Variants in FOXP2 observed in about 807,000 individuals in gnomAD.
The protein encoded by FOXP2 is forkhead box protein P2.
FOXP2 carries 12 observed loss-of-function variants against 115.8 expected under a neutral mutation model. The ratio of observed to expected loss-of-function variants is 0.10; its 90% CI spans 0.07 to 0.17. The LOEUF (loss-of-function observed/expected upper bound fraction) is 0.17, where lower values mean the gene tolerates loss of function less well. Ranked by LOEUF, FOXP2 falls within the 10% of genes least tolerant of loss-of-function variation. The pLI is 1.00. For missense variants in FOXP2, 629 were observed against 843.5 expected (o/e 0.75, Z 3.15); for synonymous variants, 328 against 297.7 (o/e 1.10, Z -1.05).
At chr7:114,513,597 T>C (rs1798182063) in intron 2 of FOXP2, among the ~76,000 whole-genome samples, 1 of 152,130 alleles carries the variant, frequency 6.6e-6, no homozygotes, top group African/African-American at 2.4e-5. Context: ...ATGTCCTCAG[T>C]GAACTGAAAT....
intron 2 of FOXP2, among the ~76,000 whole-genome samples, chr7:114,396,767 C>T (rs1309747189): frequency 1.3e-5 from 2 of 151,900 alleles, no homozygotes; most frequent in Non-Finnish European, 2.9e-5. Flanking sequence ...TACTGCACAA[C>T]ATAGGGACTA....
intron 1 of FOXP2, among the ~76,000 whole-genome samples, chr7:114,100,604 G>A (rs1799756391): frequency 6.6e-6 from 1 of 151,972 alleles, no homozygotes; most frequent in African/African-American, 2.4e-5. Context: ...ATTTATGTTA[G>A]CAATTGTGTC....
At chr7:114,192,595 G>T (rs1454244267) in intron 1 of FOXP2, among the ~76,000 whole-genome samples, 1 of 152,068 alleles carries the variant, frequency 6.6e-6, no homozygotes, top group Non-Finnish European at 1.5e-5. Flanking sequence ...CATTAACTTT[G>T]TATATTTAAA....
chr7:114,578,592 A>T (rs1417775823), intron 3 of FOXP2, among the ~76,000 whole-genome samples: 3 of 152,068 alleles, frequency 2.0e-5, no homozygotes, highest in Admixed American at 2.0e-4. Context: ...TTTTAGTTTT[A>T]ATTCTATGTG....
Position 114,658,132 on chromosome 7 carries a change from C to G in FOXP2, c.1333C>G (p.Gln445Glu). The G allele has an allele frequency of 1.2e-6, 2 of 1,614,004 alleles. No individual in the cohort carries two copies. The highest frequency in any genetic ancestry group is 1.7e-6 in the Non-Finnish European group (2 of 1,179,906). The change falls in exon 11 of 17, where the codon CAA (glutamine) becomes GAA (glutamate). Residue 445 changes from glutamine to glutamate, a missense_variant. Transcript: ENST00000350908. ...MLETSPQSLP[Q>E]TPTTPTAPVT... ...GGAGACATCCCCACAGAGCTTACCT[C>G]AAACCCCTACCACACCAACGGCCCC...
chr7:114,571,270 T>C (rs1801286968), intron 3 of FOXP2, among the ~76,000 whole-genome samples: 1 of 151,878 alleles, frequency 6.6e-6, no homozygotes, highest in Non-Finnish European at 1.5e-5. Flanking sequence ...TTCCATGTTC[T>C]TCAAGTTGTC....
chr7:114,348,083 TATC>T (rs1343915182), intron 2 of FOXP2, among the ~76,000 whole-genome samples: 1 of 152,094 alleles, frequency 6.6e-6, no homozygotes, highest in African/African-American at 2.4e-5. Flanking sequence ...AGATTCTTAA[TATC>T]ATTCTATTAG....
At chr7:114,502,934 A>G (rs1455434604) in intron 2 of FOXP2, among the ~76,000 whole-genome samples, 2 of 152,086 alleles carry the variant, frequency 1.3e-5, no homozygotes, top group East Asian at 3.8e-4. Flanking sequence ...CACAGGCCAA[A>G]TAGATGCAAG....
chr7:114,358,250 C>G (rs1791661655), intron 2 of FOXP2, among the ~76,000 whole-genome samples: 1 of 152,246 alleles, frequency 6.6e-6, no homozygotes, highest in South Asian at 2.1e-4. Context: ...TGCCTTCCAC[C>G]ATGATTGTGA....
intron 1 of FOXP2, among the ~76,000 whole-genome samples, chr7:114,126,758 C>T (rs955594827): frequency 2.0e-5 from 3 of 152,120 alleles, no homozygotes; most frequent in African/African-American, 7.2e-5. Context: ...AGGCATAGAT[C>T]ATATATTCCT....
At chr7:114,617,526 G>A (rs1358830316) in intron 3 of FOXP2, among the ~76,000 whole-genome samples, 2 of 152,214 alleles carry the variant, frequency 1.3e-5, no homozygotes, top group African/African-American at 4.8e-5. Context: ...GGGCGAGGCG[G>A]CTCACGCGTG....
intron 8 of FOXP2, among the ~76,000 whole-genome samples, chr7:114,648,372 C>G (rs574778263): frequency 5.1e-4 from 77 of 152,122 alleles, no homozygotes; most frequent in African/African-American, 1.7e-3. Context: ...ACATAAAAAG[C>G]TTGATGCAAA....
At chr7:114,110,979 T>C (rs1791253631) in intron 1 of FOXP2, among the ~76,000 whole-genome samples, 1 of 152,138 alleles carries the variant, frequency 6.6e-6, no homozygotes, top group African/African-American at 2.4e-5. Flanking sequence ...AAGAATACTT[T>C]AGCTCTTAAA....
intron 2 of FOXP2, among the ~76,000 whole-genome samples, chr7:114,522,531 T>A (rs1798674456): frequency 6.6e-6 from 1 of 152,204 alleles, no homozygotes; most frequent in Admixed American, 6.6e-5. Context: ...TTTATATACA[T>A]ATTTTCTACA....
At chr7:114,443,666 A>T (rs1010843968) in intron 2 of FOXP2, among the ~76,000 whole-genome samples, 8 of 152,184 alleles carry the variant, frequency 5.3e-5, no homozygotes, top group Non-Finnish European at 1.2e-4. Context: ...AAGTGAGAAC[A>T]TGCAGTATTT....
intron 3 of FOXP2, among the ~76,000 whole-genome samples, chr7:114,566,630 T>C (rs1460658677): frequency 2.6e-5 from 4 of 152,148 alleles, no homozygotes; most frequent in Non-Finnish European, 5.9e-5. Flanking sequence ...TGCAAAACTA[T>C]GAGCCAAATA....
At chr7:114,421,219 T>A (rs1013035074) in intron 1 of FOXP2, among the ~76,000 whole-genome samples, 27 of 151,572 alleles carry the variant, frequency 1.8e-4, no homozygotes, top group African/African-American at 6.3e-4. Flanking sequence ...TTTTCATAAT[T>A]AAATATTTAT....
intron 10 of FOXP2, 132 bp from the exon 11 acceptor site, chr7:114,657,934 T>G: frequency 1.1e-6 from 1 of 879,744 alleles, no homozygotes. Flanking sequence ...TAGTTGAGAT[T>G]GGCTGCTTCC....
At chr7:114,519,885 T>C (rs1798527647) in intron 2 of FOXP2, among the ~76,000 whole-genome samples, 2 of 152,190 alleles carry the variant, frequency 1.3e-5, no homozygotes, top group Non-Finnish European at 2.9e-5. Flanking sequence ...TTTATCCGTC[T>C]TTTTATAAGC....
Sources: allele counts gnomAD v4.1 joint callset (sites outside exome capture counted in the v4.1 genomes callset), GRCh38; gene constraint gnomAD v4.1.1; transcripts MANE v1.5; gene names NCBI Gene and HGNC (gene_info 2026-07-23, HGNC 2026-07-21).